Variants in MEGF11 observed in about 807,000 individuals in gnomAD.
MEGF11 encodes multiple EGF like domains 11.
A neutral mutation model predicts 146.6 loss-of-function variants in MEGF11; 126 were observed. That is an observed-to-expected ratio of 0.86 (90% CI 0.74 to 1.00). The LOEUF is 1.00. MEGF11 is among the 50% of genes least tolerant of loss of function. The probability of loss-of-function intolerance (pLI) is 0.00; values close to 1 mark genes in which losing one functional copy is unlikely to be tolerated. For synonymous variants in MEGF11, 532 were observed against 583.4 expected, an observed-to-expected ratio of 0.91 and a Z score of 1.27; for missense variants, 1,509 against 1,521.2, an observed-to-expected ratio of 0.99 and a Z score of 0.13.
intron 4 of MEGF11, among the ~76,000 whole-genome samples, chr15:66,105,928 ATTTGGGAGTTTTCCTCTCT>A (rs1328519764): frequency 6.6e-6 from 1 of 152,130 alleles, no homozygotes; most frequent in Non-Finnish European, 1.5e-5. Context: ...TGGCTCCCAG[ATTTGGGAGTTTTCCTCTCT>A]TTCCAGCCAA....
At chr15:65,992,450 T>TGTGGG (rs776847440) in intron 5 of MEGF11, among the ~76,000 whole-genome samples, 44 of 126,618 alleles carry the variant, frequency 3.5e-4, no homozygotes, top group Non-Finnish European at 5.1e-4. Flanking sequence ...TGTGTGTGTG[T>TGTGGG]GGGGGGGGGG....
Position 65,913,955 on chromosome 15 carries a change from TC to T in MEGF11, c.2491del (p.Glu831SerfsTer2). Reference protein sequence around the residue: ...RCDQAALMMEELNPYTKISPA... With the variant: ...RCDQAALMMEXLNPYTKISPA... ...GCTGATCTTGGTGTAGGGATTCAGCTCCTCCATCATGAGGGCAGCTGCGGGC... is the reference window on the plus strand; with the variant it reads ...GCTGATCTTGGTGTAGGGATTCAGCTCTCCATCATGAGGGCAGCTGCGGGC... On this transcript the variant is annotated frameshift_variant, in exon 20 of 26. Transcript: ENST00000395614. LOFTEE classifies it high-confidence loss of function. 1 of 1,613,710 alleles carries T rather than the reference TC, an allele frequency of 6.2e-7. No individual in the cohort carries two copies. Among genetic ancestry groups the T allele is most frequent in the Non-Finnish European group, 8.5e-7 (1 of 1,179,754 alleles).
At chr15:66,146,026 C>T (rs1242445067) in intron 1 of MEGF11, among the ~76,000 whole-genome samples, 1 of 152,142 alleles carries the variant, frequency 6.6e-6, no homozygotes, top group Non-Finnish European at 1.5e-5. Context: ...AACCTCTCTT[C>T]ACAGCCACCC....
chr15:66,016,011 T>C (rs2082872286), intron 5 of MEGF11, among the ~76,000 whole-genome samples: 2 of 151,952 alleles, frequency 1.3e-5, no homozygotes, highest in Non-Finnish European at 1.5e-5. Context: ...ATGGATGTCT[T>C]GGTGAGAGGA....
chr15:66,113,678 G>T (rs557748955), intron 4 of MEGF11, among the ~76,000 whole-genome samples: 1 of 152,154 alleles, frequency 6.6e-6, no homozygotes, highest in Non-Finnish European at 1.5e-5. Context: ...TGGATCACGA[G>T]GTCAGGAGAT....
intron 1 of MEGF11, among the ~76,000 whole-genome samples, chr15:66,182,519 C>G (rs537416682): frequency 6.6e-6 from 1 of 152,254 alleles, no homozygotes; most frequent in East Asian, 1.9e-4. Flanking sequence ...TTAAACAGAC[C>G]TGCAAACTGG....
At chr15:65,942,077 T>A (rs1412823978) in intron 10 of MEGF11, among the ~76,000 whole-genome samples, 1 of 151,986 alleles carries the variant, frequency 6.6e-6, no homozygotes, top group African/African-American at 2.4e-5. Context: ...CTAGAGAGGG[T>A]TTGCAAACCA....
chr15:65,916,167 G>A lies in MEGF11; in HGVS notation c.2325C>T (p.Thr775=), dbSNP rs1172713458. 5.7e-6 allele frequency: 9 copies of A among 1,589,894 alleles called. No homozygotes were observed. The highest frequency in any genetic ancestry group is 5.4e-5 in the African/African-American group (4 of 74,482). The change falls in exon 18 of 26, where the codon ACC becomes ACT. Residue 775 remains threonine, a synonymous_variant. Transcript: ENST00000395614. ...GCTTACTCTGCTCACAGTGTTGCCCGGTGAAGCCTGTGCGGCAGGTGCACT... is the reference window on the plus strand; with the variant it reads ...GCTTACTCTGCTCACAGTGTTGCCCAGTGAAGCCTGTGCGGCAGGTGCACT... ...SGKCTCRTGF[T]GQHCEQRCAP... is the part of the protein sequence containing the mutation.
intron 20 of MEGF11, chr15:65,912,611 T>G (rs1454724834): frequency 1.3e-5 from 2 of 153,508 alleles, no homozygotes; most frequent in Non-Finnish European, 2.9e-5. Context: ...TCTTCCCTCC[T>G]AAGGATTCCA....
intron 5 of MEGF11, among the ~76,000 whole-genome samples, chr15:66,084,973 G>C (rs190076904): frequency 1.1e-4 from 17 of 152,170 alleles, no homozygotes; most frequent in African/African-American, 4.1e-4. Context: ...GCGGGGGAAG[G>C]GGGGACGGGG....
At chr15:65,907,840 G>T (rs1286388049) in intron 23 of MEGF11, among the ~76,000 whole-genome samples, 2 of 152,248 alleles carry the variant, frequency 1.3e-5, no homozygotes, top group African/African-American at 4.8e-5. Context: ...TACAGTTAGA[G>T]CCCAGATCTC....
Position 65,970,889 on chromosome 15 carries a change from G to A in MEGF11, c.763-200C>T, listed in dbSNP as rs2141611956. ...GCCAACTTGCTCATCCAGTTATTCA[G>A]CACAATTTAGGAACTGCCTATTGTA... On this transcript the variant is annotated intron_variant, in intron 7 of 25. Coordinates refer to ENST00000395614, the MANE Select transcript of MEGF11 (RefSeq NM_001385028.1). The A allele has an allele frequency of 5.0e-6, 3 of 605,512 alleles. 1 individual carries two copies. The South Asian group carries it at 6.0e-5, about 12-fold the overall frequency. The allele number at this position is 605,512 out of a possible 1,614,324, so 37.5% of individuals were successfully genotyped here. A position where few individuals can be genotyped will look rare whatever the true frequency, so the allele number is the denominator to read the frequency against.
intron 1 of MEGF11, among the ~76,000 whole-genome samples, chr15:66,158,269 G>A (rs547224600): frequency 1.3e-4 from 20 of 152,232 alleles, no homozygotes; most frequent in Non-Finnish European, 2.9e-4. Flanking sequence ...CCTGTGTGCA[G>A]AGTGGACAGT....
intron 5 of MEGF11, among the ~76,000 whole-genome samples, chr15:66,057,320 AG>A (rs2140386167): frequency 6.6e-6 from 1 of 152,308 alleles, no homozygotes; most frequent in East Asian, 1.9e-4. Flanking sequence ...GGCAGAGGGC[AG>A]TGGTGCTGGC....
intron 1 of MEGF11, among the ~76,000 whole-genome samples, chr15:66,235,110 C>T (rs1442334511): frequency 6.6e-6 from 1 of 152,332 alleles, no homozygotes; most frequent in East Asian, 1.9e-4. Flanking sequence ...GAAGATCTTC[C>T]TCTGCTTAAA....
chr15:66,209,295 A>G (rs2091382913), intron 1 of MEGF11, among the ~76,000 whole-genome samples: 1 of 152,118 alleles, frequency 6.6e-6, no homozygotes, highest in Admixed American at 6.6e-5. Context: ...GCTTGCAGTG[A>G]GCCAAGATCG....
chr15:65,915,730 AG>A (rs1454047744), intron 18 of MEGF11, 132 bp from the exon 19 acceptor site: 1 of 1,189,764 alleles, frequency 8.4e-7, no homozygotes, highest in African/African-American at 1.5e-5. Flanking sequence ...GCTCCTGTTG[AG>A]GAGCATTTAT....
At chr15:65,922,307 C>T (rs1473440136) in intron 15 of MEGF11, 31 bp downstream of exon 15, 9 of 1,601,026 alleles carry the variant, frequency 5.6e-6, no homozygotes, top group Non-Finnish European at 7.7e-6. Flanking sequence ...TCTCACCTCC[C>T]CACCCAGTAC....
At chr15:65,953,895 G>A (rs891240961) in intron 10 of MEGF11, among the ~76,000 whole-genome samples, 3 of 152,082 alleles carry the variant, frequency 2.0e-5, no homozygotes, top group Non-Finnish European at 4.4e-5. Context: ...TCACGTTTAT[G>A]TTGAGCCCGA....
Sources: gnomAD v4.1 joint callset for allele counts (sites outside exome capture counted in the v4.1 genomes callset) on GRCh38, gnomAD v4.1.1 for gene constraint, MANE v1.5 for transcripts, NCBI Gene and HGNC (gene_info 2026-07-23, HGNC 2026-07-21) for gene names.